Variants in LDLRAD3 observed in about 807,000 individuals in gnomAD.
LDLRAD3 encodes the protein low-density lipoprotein receptor class A domain-containing protein 3.
Under a neutral mutation model 29.4 loss-of-function variants are expected in LDLRAD3, and 20 were observed. That is an observed-to-expected ratio of 0.68 (90% CI 0.48 to 0.99). The LOEUF (loss-of-function observed/expected upper bound fraction) is 0.99, where lower values mean the gene tolerates loss of function less well. LDLRAD3 is among the 50% of genes least tolerant of loss of function. The probability of loss-of-function intolerance (pLI) is 0.00; values close to 1 mark genes in which losing one functional copy is unlikely to be tolerated. For missense variants in LDLRAD3, 420 were observed against 454.3 expected (o/e 0.92, Z 0.69); for synonymous variants, 157 against 192.7 (o/e 0.81, Z 1.53).
At chr11:36,122,379 G>A (rs1252357562) in intron 4 of LDLRAD3, among the ~76,000 whole-genome samples, 1 of 152,092 alleles carries the variant, frequency 6.6e-6, no homozygotes, top group Non-Finnish European at 1.5e-5. Context: ...AGGAACTGAT[G>A]AAGCCACCTC....
chr11:36,038,971 C>CTTTCTT (rs763764209), intron 2 of LDLRAD3, among the ~76,000 whole-genome samples: 1 of 102,454 alleles, frequency 9.8e-6, no homozygotes, highest in African/African-American at 2.8e-5. Context: ...AAATTTCTTT[C>CTTTCTT]TTTTTTTTTT....
At chr11:36,065,086 A>G (rs774646416) in intron 2 of LDLRAD3, among the ~76,000 whole-genome samples, 1 of 152,148 alleles carries the variant, frequency 6.6e-6, no homozygotes, top group Non-Finnish European at 1.5e-5. Context: ...CAGCCTAGTT[A>G]TTCTATCCAT....
chr11:36,014,670 G>A (rs1025196496), intron 1 of LDLRAD3, among the ~76,000 whole-genome samples: 4 of 152,154 alleles, frequency 2.6e-5, no homozygotes, highest in African/African-American at 9.7e-5. Context: ...TGATGACAGG[G>A]CAGTGCCTTT....
At chr11:36,128,670 GA>G (rs1211412242) in intron 4 of LDLRAD3, among the ~76,000 whole-genome samples, 1 of 152,048 alleles carries the variant, frequency 6.6e-6, no homozygotes, top group Non-Finnish European at 1.5e-5. Flanking sequence ...GCAACATGGT[GA>G]AACCCCATCT....
At position 36,083,767 on chromosome 11, in the gene LDLRAD3, CA is replaced by C. The variant is rs1565210925; in HGVS notation, c.319+1990del. ...ACACACACACACACACACACACACA[CA>C]CACACACACACACCCCAGAATAATC... On this transcript the variant is annotated intron_variant, in intron 3 of 5. Transcript: ENST00000315571. Among the ~76,000 whole-genome samples, 66 of 132,146 alleles carry C rather than the reference CA, an allele frequency of 5.0e-4. 1 individual carries two copies. The highest frequency in any genetic ancestry group is 1.5e-3 in the South Asian group (7 of 4,534). The allele number at this position is 132,146 out of a possible 152,430, so 86.7% of individuals were successfully genotyped here.
intron 2 of LDLRAD3, among the ~76,000 whole-genome samples, chr11:36,070,923 A>G (rs533428550): frequency 3.5e-4 from 53 of 152,216 alleles, no homozygotes; most frequent in African/African-American, 1.1e-3. Flanking sequence ...AGGAAAGTCA[A>G]CTCAAGGAGC....
Position 36,150,511 on chromosome 11 carries a change from G to T in LDLRAD3, c.454+52050G>T, listed in dbSNP as rs571376460. Among the ~76,000 whole-genome samples the T allele has an allele frequency of 1.2e-4, 18 of 152,172 alleles. No homozygotes were observed. The East Asian group carries it at 3.3e-3, about 28-fold the overall frequency. ...CCAGTGCACTCCAGCGTGGGTGGTA[G>T]AGCGAGACCTTGTCTCTTTAAAAAA... On this transcript the variant is annotated intron_variant, in intron 4 of 5. Coordinates refer to ENST00000315571, the MANE Select transcript of LDLRAD3 (RefSeq NM_174902.4).
chr11:36,078,782 A>G (rs545095703), intron 2 of LDLRAD3, among the ~76,000 whole-genome samples: 2 of 152,148 alleles, frequency 1.3e-5, no homozygotes, highest in African/African-American at 4.8e-5. Context: ...GACCGACCAC[A>G]CTGCTTCCCT....
At chr11:36,108,464 T>C (rs1450500550) in intron 4 of LDLRAD3, among the ~76,000 whole-genome samples, 1 of 151,784 alleles carries the variant, frequency 6.6e-6, no homozygotes, top group South Asian at 2.1e-4. Context: ...GCTCATATTC[T>C]ATAGGAAGAG....
At chr11:36,180,896 G>A (rs879389144) in intron 4 of LDLRAD3, among the ~76,000 whole-genome samples, 4 of 152,084 alleles carry the variant, frequency 2.6e-5, no homozygotes, top group Admixed American at 6.5e-5. Flanking sequence ...TGAGAGAATC[G>A]CTAAGGATGG....
Position 36,162,995 on chromosome 11 carries a change from T to TC in LDLRAD3, c.455-64086dup, listed in dbSNP as rs1239246130. Reference sequence around the variant, plus strand: ...CCAAGAGACCAAACAGCTTCTTCCTTCCCCAAGCAGTTAAAACAAAGATCT... The same window carrying TC: ...CCAAGAGACCAAACAGCTTCTTCCTTCCCCCAAGCAGTTAAAACAAAGATCT... On this transcript the variant is annotated intron_variant, in intron 4 of 5. Coordinates refer to ENST00000315571, the MANE Select transcript of LDLRAD3 (RefSeq NM_174902.4). Among the ~76,000 whole-genome samples the TC allele has an allele frequency of 1.5e-4, 23 of 152,172 alleles. 1 individual carries two copies. The highest frequency in any genetic ancestry group is 5.9e-5 in the Non-Finnish European group (4 of 68,036).
chr11:36,136,881 G>C (rs1469562285), intron 4 of LDLRAD3, among the ~76,000 whole-genome samples: 1 of 152,076 alleles, frequency 6.6e-6, no homozygotes, highest in Non-Finnish European at 1.5e-5. Flanking sequence ...AGTAGAGGCA[G>C]GGTTTTGCCA....
intron 2 of LDLRAD3, among the ~76,000 whole-genome samples, chr11:36,052,078 T>A (rs924951046): frequency 2.0e-5 from 3 of 152,230 alleles, no homozygotes; most frequent in Admixed American, 2.0e-4. Context: ...AGGACTAGAC[T>A]GAGTCTCACT....
At chr11:35,988,949 C>T (rs2133164921) in intron 1 of LDLRAD3, 1 of 152,236 alleles carries the variant, frequency 6.6e-6, no homozygotes, top group South Asian at 2.1e-4. Flanking sequence ...AAATTCTTTG[C>T]CAAGACTGAT....
chr11:36,134,025 A>G (rs957452774), intron 4 of LDLRAD3, among the ~76,000 whole-genome samples: 1 of 152,110 alleles, frequency 6.6e-6, no homozygotes, highest in Non-Finnish European at 1.5e-5. Context: ...ATGCATGCAT[A>G]GCGACCCAGA....
At chr11:36,148,171 G>A (rs1450984173) in intron 4 of LDLRAD3, among the ~76,000 whole-genome samples, 1 of 152,152 alleles carries the variant, frequency 6.6e-6, no homozygotes, top group Non-Finnish European at 1.5e-5. Flanking sequence ...CACCTGGCCA[G>A]ATTGTTTTCA....
In LDLRAD3 at chr11:36,113,744, G is replaced by A. The variant is rs940583489; in HGVS notation, c.454+15283G>A. ...GCTGGAGTTCAGCAGCATGATCTCA[G>A]CCCATTGCAACCCCTGCCTCCCAGG... On this transcript the variant is annotated intron_variant, in intron 4 of 5. Transcript: ENST00000315571. 7.5e-5 allele frequency among the ~76,000 whole-genome samples: 11 copies of A among 146,570 alleles called. No homozygotes were observed. The Admixed American group carries it at 7.7e-4, about 10-fold the overall frequency.
chr11:36,176,837 T>C (rs1385730838), intron 4 of LDLRAD3, among the ~76,000 whole-genome samples: 1 of 152,208 alleles, frequency 6.6e-6, no homozygotes, highest in Non-Finnish European at 1.5e-5. Context: ...TCTTTGAGCT[T>C]CTTCTCTTTC....
At chr11:35,951,879 C>T (rs1169350175) in intron 1 of LDLRAD3, among the ~76,000 whole-genome samples, 1 of 152,216 alleles carries the variant, frequency 6.6e-6, no homozygotes, top group South Asian at 2.1e-4. Context: ...CAATAAATCA[C>T]AGCTTCCGCC....
Sources: gnomAD v4.1 joint callset for allele counts (sites outside exome capture counted in the v4.1 genomes callset) on GRCh38, gnomAD v4.1.1 for gene constraint, MANE v1.5 for transcripts, NCBI Gene and HGNC (gene_info 2026-07-23, HGNC 2026-07-21) for gene names.